The following PPFIBP2 variants were observed in gnomAD, a reference collection of about 807,000 sequenced individuals.
PPFIBP2 encodes the protein liprin-beta-2.
PPFIBP2 carries 118 observed loss-of-function variants against 118.3 expected under a neutral mutation model. That is an observed-to-expected ratio of 1.00 (90% CI 0.86 to 1.16). The LOEUF (loss-of-function observed/expected upper bound fraction) is 1.16, where lower values mean the gene tolerates loss of function less well. Among genes scored for constraint, PPFIBP2 ranks in the 50% most tolerant of loss-of-function variants. The pLI is 0.00. For synonymous variants in PPFIBP2, 414 were observed against 397.4 expected (o/e 1.04, Z -0.50); for missense variants, 1,195 against 1,073.1 (o/e 1.11, Z -1.59).
At chr11:7,581,036 A>G (rs927561679) in intron 3 of PPFIBP2, among the ~76,000 whole-genome samples, 12 of 152,244 alleles carry the variant, frequency 7.9e-5, no homozygotes, top group Admixed American at 6.5e-5. Context: ...CTGGGCCACC[A>G]TAGGTGACCA....
At chr11:7,558,850 A>G (rs1318422681) in intron 2 of PPFIBP2, among the ~76,000 whole-genome samples, 3 of 152,154 alleles carry the variant, frequency 2.0e-5, no homozygotes, top group Non-Finnish European at 2.9e-5. Context: ...TTAAATCTTC[A>G]TTAAATTTTG....
downstream of PPFIBP2, among the ~76,000 whole-genome samples, chr11:7,658,285 A>T (rs1854808883): frequency 8.0e-6 from 1 of 125,184 alleles, no homozygotes; most frequent in African/African-American, 3.3e-5. Context: ...TCCAGGTGCT[A>T]TCCCTCCCCC....
At chr11:7,579,251 C>A (rs1314634540) in intron 3 of PPFIBP2, among the ~76,000 whole-genome samples, 1 of 152,158 alleles carries the variant, frequency 6.6e-6, no homozygotes, top group African/African-American at 2.4e-5. Flanking sequence ...GTGGTGCAGC[C>A]TGGTCTTGAA....
intron 12 of PPFIBP2, among the ~76,000 whole-genome samples, chr11:7,634,156 T>G (rs1851140171): frequency 6.6e-6 from 1 of 152,202 alleles, no homozygotes; most frequent in South Asian, 2.1e-4. Flanking sequence ...ACCTTTCCCC[T>G]CTTTTGACAC....
rs554668200 is a variant in PPFIBP2, at chr11:7,564,991, C to G, written c.65-562C>G. ...CAGGAATGGAAGAATCTCTGGTGGC[C>G]AACTGTGTAATCTATGACTTTAATA... On this transcript the variant is annotated intron_variant, in intron 2 of 23. Coordinates refer to ENST00000299492, the MANE Select transcript of PPFIBP2 (RefSeq NM_003621.5). Among the ~76,000 whole-genome samples the G allele has an allele frequency of 1.4e-3, 205 of 151,202 alleles. 1 individual carries two copies. The highest frequency in any genetic ancestry group is 4.4e-3 in the African/African-American group (181 of 41,070).
At chr11:7,527,849 GAA>G (rs1850361191) in intron 1 of PPFIBP2, among the ~76,000 whole-genome samples, 1 of 152,148 alleles carries the variant, frequency 6.6e-6, no homozygotes, top group Admixed American at 6.5e-5. Flanking sequence ...GGCTGGAACT[GAA>G]GAGTAAACGA....
chr11:7,649,197 T>C lies in PPFIBP2; in HGVS notation c.1960T>C (p.Ser654Pro), dbSNP rs1452893664. The C allele has an allele frequency of 1.9e-6, 3 of 1,614,032 alleles. No homozygotes were observed. The highest frequency in any genetic ancestry group is 2.5e-6 in the Non-Finnish European group (3 of 1,179,996). Residue 654 changes from serine to proline, a missense_variant, in exon 20 of 24, where the codon TCT becomes CCT. Physicochemically the swap from Ser to Pro is moderately conservative, Grantham distance 74. Transcript: ENST00000299492. ...LPQYKDQFHE[S>P]RVDRRMLQYL... ...CCAGTACAAAGACCAGTTTCATGAA[T>C]CTAGAGTTGACAGACGAATGCTGCA...
Position 7,547,087 on chromosome 11 carries a change from G to A in PPFIBP2, c.-36-2353G>A, listed in dbSNP as rs149286824. ...GTCCCTCTGCCTCTGTGGGAAGGTGGCCAGTTAGCAAGGAAACAAATACAT... is the reference window on the plus strand; with the variant it reads ...GTCCCTCTGCCTCTGTGGGAAGGTGACCAGTTAGCAAGGAAACAAATACAT... On this transcript the variant is annotated intron_variant, in intron 1 of 23. Coordinates refer to ENST00000299492, the MANE Select transcript of PPFIBP2 (RefSeq NM_003621.5). Among the ~76,000 whole-genome samples the A allele has an allele frequency of 4.7e-3, 720 of 152,328 alleles. 10 individuals are homozygous for A. Among genetic ancestry groups the A allele is most frequent in the African/African-American group, 0.016 (684 of 41,574 alleles).
At chr11:7,570,203 TAGAC>T (rs1225689849) in intron 3 of PPFIBP2, among the ~76,000 whole-genome samples, 4 of 152,152 alleles carry the variant, frequency 2.6e-5, no homozygotes, top group Non-Finnish European at 4.4e-5. Flanking sequence ...GTGGAAACCT[TAGAC>T]AGGATAGCCA....
chr11:7,561,319 GC>G (rs1459111284), intron 2 of PPFIBP2, among the ~76,000 whole-genome samples: 1 of 152,154 alleles, frequency 6.6e-6, no homozygotes. Flanking sequence ...GCCTGCCTCG[GC>G]CTCCCAAAGT....
intron 1 of PPFIBP2, among the ~76,000 whole-genome samples, chr11:7,543,803 C>T (rs1159853841): frequency 6.6e-6 from 1 of 152,198 alleles, no homozygotes; most frequent in Admixed American, 6.5e-5. Context: ...CACTGTTTGC[C>T]TCAGAACATA....
chr11:7,527,573 A>G (rs1850339085), intron 1 of PPFIBP2, among the ~76,000 whole-genome samples: 1 of 152,154 alleles, frequency 6.6e-6, no homozygotes, highest in Non-Finnish European at 1.5e-5. Flanking sequence ...GACTGAATGG[A>G]ACTTAAGAAA....
intron 12 of PPFIBP2, 125 bp downstream of exon 12, chr11:7,633,059 C>G: frequency 2.4e-6 from 2 of 823,858 alleles, no homozygotes; most frequent in South Asian, 3.1e-5. Flanking sequence ...ACCTGCCCCT[C>G]TGTTGTTAGG....
At chr11:7,647,943 G>C (rs916333840) in intron 17 of PPFIBP2, among the ~76,000 whole-genome samples, 1 of 152,084 alleles carries the variant, frequency 6.6e-6, no homozygotes, top group Non-Finnish European at 1.5e-5. Context: ...TTTTAGTTTT[G>C]GGTGTTTTGT....
intron 3 of PPFIBP2, among the ~76,000 whole-genome samples, chr11:7,574,893 G>A (rs1463898423): frequency 6.6e-6 from 1 of 152,144 alleles, no homozygotes; most frequent in Non-Finnish European, 1.5e-5. Context: ...GAAAAACAAG[G>A]CTGAGATAAG....
At chr11:7,577,320 CGTGTGTGTGTGTGTGTGTGTGT>C (rs148907232) in intron 3 of PPFIBP2, 1 of 208,986 alleles carries the variant, frequency 4.8e-6, no homozygotes, top group Non-Finnish European at 9.9e-6. Flanking sequence ...CATGTATGTG[CGTGTGTGTGTGTGTGTGTGTGT>C]GTGTGTGTGT....
At chr11:7,546,585 G>A (rs571540030) in intron 1 of PPFIBP2, among the ~76,000 whole-genome samples, 19 of 152,330 alleles carry the variant, frequency 1.2e-4, no homozygotes, top group African/African-American at 4.6e-4. Flanking sequence ...CCCTGATGCT[G>A]TGGGTGTGAT....
intron 15 of PPFIBP2, chr11:7,640,927 A>T: frequency 1.1e-6 from 1 of 937,346 alleles, no homozygotes; most frequent in Admixed American, 2.4e-5. Flanking sequence ...CTCTTGCTCG[A>T]TGACACTCTT....
intron 6 of PPFIBP2, among the ~76,000 whole-genome samples, chr11:7,620,135 T>C (rs1297527772): frequency 6.6e-6 from 1 of 151,932 alleles, no homozygotes; most frequent in Non-Finnish European, 1.5e-5. Context: ...GCTAAATGAG[T>C]AAGAGAAAAT....
Sources: gnomAD v4.1 joint callset for allele counts (sites outside exome capture counted in the v4.1 genomes callset) on GRCh38, gnomAD v4.1.1 for gene constraint, MANE v1.5 for transcripts, NCBI Gene and HGNC (gene_info 2026-07-23, HGNC 2026-07-21) for gene names.